ST18: variants seen among roughly 807,000 people sequenced by gnomAD.
ST18 encodes ST18 C2H2C-type zinc finger transcription factor.
In ST18, 50 loss-of-function variants were observed where a neutral mutation model predicts 110.0. The ratio of observed to expected loss-of-function variants is 0.45; its 90% CI spans 0.36 to 0.58. The LOEUF is 0.58. Ranked by LOEUF, ST18 falls within the 20% of genes least tolerant of loss-of-function variation. ST18 has a pLI of 0.00. For synonymous variants in ST18, 461 were observed against 452.4 expected (o/e 1.02, Z -0.24); for missense variants, 1,306 against 1,280.1 (o/e 1.02, Z -0.31).
At chr8:52,150,028 C>A in intron 15 of ST18, 51 bp from the exon 16 acceptor site, 1 of 1,567,828 alleles carries the variant, frequency 6.4e-7, no homozygotes, top group Non-Finnish European at 8.6e-7. Context: ...GCAGTTACAG[C>A]CTAGCCATGT....
intron 9 of ST18, among the ~76,000 whole-genome samples, chr8:52,176,440 T>C (rs1463908435): frequency 6.6e-6 from 1 of 152,096 alleles, no homozygotes; most frequent in African/African-American, 2.4e-5. Flanking sequence ...AACAAAACTC[T>C]AATAGGTCAA....
Position 52,367,236 on chromosome 8 carries a change from T to TCACACA in ST18, c.-465+42086_-465+42091dup, listed in dbSNP as rs748933981. On this transcript the variant is annotated intron_variant, in intron 2 of 25. Coordinates refer to ENST00000689386, the MANE Select transcript of ST18 (RefSeq NM_001352837.2). ...CTGGGTGACAGAGCGGGACCCTGTC[T>TCACACA]CACACACACACACACACACACACAC... 8.0e-3 allele frequency among the ~76,000 whole-genome samples: 965 copies of TCACACA among 120,262 alleles called. 11 individuals carry two copies. The highest frequency in any genetic ancestry group is 0.021 in the African/African-American group (700 of 32,636). 78.9% of individuals were successfully genotyped at this position (120,262 alleles called of 152,430 possible). A position where few individuals can be genotyped will look rare whatever the true frequency, so the allele number is the denominator to read the frequency against.
intron 2 of ST18, among the ~76,000 whole-genome samples, chr8:52,388,973 TAAAA>T (rs61317264): frequency 2.1e-5 from 3 of 142,694 alleles, no homozygotes; most frequent in Admixed American, 6.9e-5. Context: ...AATAATAATT[TAAAA>T]AAAAAAAAAA....
rs202128840 is a variant in ST18, at chr8:52,172,049, G to A, written c.812C>T (p.Ala271Val). ...NALAEPLDGN[A>V]QPSFPDVEEE... ...CTCAACGTCAGGGAATGAGGGCTGG[G>A]CATTGCCATCCAGGGGTTCTGCGAG... Residue 271 changes from alanine to valine, a missense_variant, in exon 10 of 26, where the codon GCC becomes GTC. Ala to Val is a moderately conservative substitution (Grantham distance 64, BLOSUM62 0). Transcript: ENST00000689386. 4.1e-4 allele frequency: 660 copies of A among 1,614,226 alleles called. 1 individual carries two copies. The highest frequency in any genetic ancestry group is 3.9e-4 in the Non-Finnish European group (464 of 1,180,046).
intron 22 of ST18, among the ~76,000 whole-genome samples, chr8:52,130,956 C>T (rs953572575): frequency 3.3e-5 from 5 of 152,236 alleles, no homozygotes; most frequent in South Asian, 2.1e-4. Context: ...AATTCAAATT[C>T]AGAATAAAAT....
intron 2 of ST18, among the ~76,000 whole-genome samples, chr8:52,289,695 A>G (rs1332103246): frequency 6.6e-6 from 1 of 152,116 alleles, no homozygotes; most frequent in African/African-American, 2.4e-5. Context: ...ACGATGTTGA[A>G]GTAACAGATG....
chr8:52,276,139 C>T (rs2095243824), intron 2 of ST18, among the ~76,000 whole-genome samples: 3 of 7,080 alleles, frequency 4.2e-4, no homozygotes, highest in Admixed American at 4.2e-3. Flanking sequence ...CACACACACA[C>T]CACATGCACA....
intron 25 of ST18, among the ~76,000 whole-genome samples, chr8:52,114,986 T>A (rs75914145): frequency 0.027 from 4,093 of 152,332 alleles, 184 homozygotes; most frequent in African/African-American, 0.092. Flanking sequence ...AAGTATGATT[T>A]ACGCAACATT....
intron 15 of ST18, chr8:52,154,286 T>A (rs1306103706): frequency 6.6e-6 from 1 of 152,228 alleles, no homozygotes; most frequent in Non-Finnish European, 1.5e-5. Context: ...CGGTGCCACA[T>A]CATGTTATTT....
intron 15 of ST18, among the ~76,000 whole-genome samples, chr8:52,156,842 T>G (rs2060150821): frequency 1.3e-5 from 2 of 152,210 alleles, no homozygotes; most frequent in South Asian, 4.1e-4. Context: ...GCAACTACTA[T>G]GCAAAGGAGA....
Position 52,171,797 on chromosome 8 carries a change from T to C in ST18, c.1064A>G (p.Asn355Ser), listed in dbSNP as rs111299815. The C allele has an allele frequency of 2.9e-4, 475 of 1,610,828 alleles. No individual in the cohort carries two copies. In the African/African-American group the frequency reaches 5.2e-3, roughly 18 times the overall value. Residue 355 changes from asparagine to serine, a missense_variant, in exon 10 of 26, where the codon AAT (asparagine) becomes AGT (serine). Asn to Ser is a conservative substitution (Grantham distance 46). Transcript: ENST00000689386. ...AATGCAAAAATGTGTCTTACGTTTATTGTTAAAGATTTGTCTTCCACCCAT... is the reference window on the plus strand; with the variant it reads ...AATGCAAAAATGTGTCTTACGTTTACTGTTAAAGATTTGTCTTCCACCCAT... ...IDMGGRQIFNNKHSPRPEKRE... is the reference protein window; with the variant it reads ...IDMGGRQIFNSKHSPRPEKRE...
intron 8 of ST18, among the ~76,000 whole-genome samples, chr8:52,197,723 G>A (rs1320608574): frequency 6.6e-6 from 1 of 151,916 alleles, no homozygotes; most frequent in Non-Finnish European, 1.5e-5. Flanking sequence ...ATGAGGGCAG[G>A]GAGGCCAAAA....
chr8:52,310,161 C>T (rs2095880186), intron 2 of ST18, among the ~76,000 whole-genome samples: 1 of 152,140 alleles, frequency 6.6e-6, no homozygotes, highest in African/African-American at 2.4e-5. Context: ...AACAAGAGAC[C>T]TCATTTTTCT....
intron 2 of ST18, among the ~76,000 whole-genome samples, chr8:52,402,698 G>T (rs1190766003): frequency 3.9e-5 from 6 of 152,188 alleles, no homozygotes; most frequent in Non-Finnish European, 7.4e-5. Flanking sequence ...CAGGTGCAGT[G>T]GCAGCAAGGA....
chr8:52,149,685 G>T, intron 16 of ST18, 47 bp downstream of exon 16: 1 of 1,582,568 alleles, frequency 6.3e-7, no homozygotes, highest in Admixed American at 1.8e-5. Context: ...GTGATACCCT[G>T]CAATCATGCT....
At chr8:52,175,108 G>A (rs534102606) in intron 9 of ST18, among the ~76,000 whole-genome samples, 5 of 152,236 alleles carry the variant, frequency 3.3e-5, no homozygotes, top group African/African-American at 9.6e-5. Context: ...CGGTGGGGCT[G>A]CGTCACCTGC....
chr8:52,241,378 G>A (rs1363634797), intron 2 of ST18, among the ~76,000 whole-genome samples: 1 of 152,182 alleles, frequency 6.6e-6, no homozygotes, highest in African/African-American at 2.4e-5. Flanking sequence ...ATTTTTTAGA[G>A]GAAAAATAGA....
intron 3 of ST18, among the ~76,000 whole-genome samples, chr8:52,223,224 CTGGTA>C (rs1389249398): frequency 2.0e-5 from 3 of 152,110 alleles, no homozygotes; most frequent in African/African-American, 7.2e-5. Context: ...GGTAATGAGT[CTGGTA>C]TGTTATTTTT....
At chr8:52,133,907 T>A (rs1467818075) in intron 19 of ST18, among the ~76,000 whole-genome samples, 1 of 151,938 alleles carries the variant, frequency 6.6e-6, no homozygotes, top group Non-Finnish European at 1.5e-5. Context: ...ATTTTTGTAT[T>A]TTTAGTAGAG....
Sources: gnomAD v4.1 joint callset for allele counts (sites outside exome capture counted in the v4.1 genomes callset) on GRCh38, gnomAD v4.1.1 for gene constraint, MANE v1.5 for transcripts, NCBI Gene and HGNC (gene_info 2026-07-23, HGNC 2026-07-21) for gene names.